The following NFIB variants were observed in gnomAD, a reference collection of about 807,000 sequenced individuals.
NFIB encodes nuclear factor 1 B-type.
A neutral mutation model predicts 61.5 loss-of-function variants in NFIB; 11 were observed. That is an observed-to-expected ratio of 0.18 (90% CI 0.11 to 0.30). The LOEUF (loss-of-function observed/expected upper bound fraction) is 0.30. Among genes scored for constraint, NFIB ranks in the 10% least tolerant of loss-of-function variants. NFIB has a pLI of 1.00. For synonymous variants in NFIB, 260 were observed against 216.5 expected (o/e 1.20, Z -1.76); for missense variants, 471 against 608.9 (o/e 0.77, Z 2.38).
intron 2 of NFIB, among the ~76,000 whole-genome samples, chr9:14,286,603 C>A (rs995673179): frequency 3.8e-4 from 58 of 152,160 alleles, no homozygotes; most frequent in Non-Finnish European, 6.8e-4. Flanking sequence ...CTTTTTATAA[C>A]TTATTAAGCA....
At chr9:14,296,694 G>A (rs944238308) in intron 2 of NFIB, among the ~76,000 whole-genome samples, 3 of 152,214 alleles carry the variant, frequency 2.0e-5, no homozygotes, top group African/African-American at 7.2e-5. Context: ...CTGGCACTCT[G>A]CTCCTGGGCT....
chr9:14,099,943 A>C (rs2035474966), intron 10 of NFIB, among the ~76,000 whole-genome samples: 2 of 152,008 alleles, frequency 1.3e-5, no homozygotes, highest in Admixed American at 1.3e-4. Flanking sequence ...GTGGCAGTGC[A>C]CGCCTGTAAT....
At chr9:14,423,571 G>A in the NFIB span, among the ~76,000 whole-genome samples, 1 of 152,156 alleles carries the variant, frequency 6.6e-6, no homozygotes, top group South Asian at 2.1e-4. Context: ...CATTATCCTG[G>A]CCATCTATAG....
chr9:14,245,254 A>G (rs972383827), intron 2 of NFIB, among the ~76,000 whole-genome samples: 1 of 152,112 alleles, frequency 6.6e-6, no homozygotes, highest in Admixed American at 6.6e-5. Context: ...TAGAAACATC[A>G]CAGTCACACC....
the NFIB span, among the ~76,000 whole-genome samples, chr9:14,418,712 C>T: frequency 2.6e-5 from 4 of 152,170 alleles, no homozygotes; most frequent in East Asian, 7.7e-4. Context: ...ACATGATGGA[C>T]TAATTTCATT....
intron 2 of NFIB, among the ~76,000 whole-genome samples, chr9:14,253,974 T>C (rs1410578738): frequency 1.3e-5 from 2 of 152,182 alleles, no homozygotes; most frequent in Non-Finnish European, 2.9e-5. Context: ...TCCCCAGCAC[T>C]TGACAAAACC....
intron 1 of NFIB, among the ~76,000 whole-genome samples, chr9:14,364,663 G>T (rs1477540839): frequency 1.3e-5 from 2 of 152,128 alleles, no homozygotes; most frequent in African/African-American, 2.4e-5. Flanking sequence ...AGTCTTCAAA[G>T]GTGTGTGAAA....
At chr9:14,245,099 T>C (rs1341247440) in intron 2 of NFIB, among the ~76,000 whole-genome samples, 1 of 152,182 alleles carries the variant, frequency 6.6e-6, no homozygotes, top group Non-Finnish European at 1.5e-5. Context: ...AATTCAGACC[T>C]GTATTTTCAT....
chr9:14,441,699 G>T, the NFIB span, among the ~76,000 whole-genome samples: 3 of 151,968 alleles, frequency 2.0e-5, no homozygotes, highest in Non-Finnish European at 2.9e-5. Context: ...TCAGGAGAGG[G>T]CCTCCTCCAG....
intron 2 of NFIB, among the ~76,000 whole-genome samples, chr9:14,222,135 G>C (rs2051747274): frequency 1.3e-5 from 2 of 152,076 alleles, no homozygotes; most frequent in Non-Finnish European, 2.9e-5. Context: ...TTCCTCCCTT[G>C]TCAACTGTTT....
chr9:14,121,592 T>G (rs937842068), intron 7 of NFIB, among the ~76,000 whole-genome samples: 7 of 152,230 alleles, frequency 4.6e-5, no homozygotes, highest in African/African-American at 1.4e-4. Context: ...AAATGTTTCT[T>G]TCAAAACCAA....
chr9:14,333,975 C>T (rs1261558163), intron 1 of NFIB, among the ~76,000 whole-genome samples: 3 of 152,204 alleles, frequency 2.0e-5, no homozygotes, highest in Admixed American at 1.3e-4. Context: ...ACAATATTTA[C>T]TGTTATGTCT....
chr9:14,349,589 G>A (rs890767277), intron 1 of NFIB, among the ~76,000 whole-genome samples: 1 of 152,108 alleles, frequency 6.6e-6, no homozygotes, highest in Non-Finnish European at 1.5e-5. Context: ...TGTGGCTGGG[G>A]AACAGCGGCA....
the NFIB span, among the ~76,000 whole-genome samples, chr9:14,515,121 G>GA: frequency 1.3e-5 from 2 of 152,068 alleles, no homozygotes; most frequent in African/African-American, 2.4e-5. Context: ...GCGGTTGTTA[G>GA]AAAAAACTTG....
the NFIB span, among the ~76,000 whole-genome samples, chr9:14,443,773 A>T: frequency 3.3e-5 from 5 of 152,246 alleles, no homozygotes; most frequent in Non-Finnish European, 7.3e-5. Context: ...TAAATCTCAC[A>T]ATAGACTGTA....
At chr9:14,484,017 A>G in the NFIB span, among the ~76,000 whole-genome samples, 6 of 152,224 alleles carry the variant, frequency 3.9e-5, no homozygotes, top group African/African-American at 1.4e-4. Flanking sequence ...TGAAGTGTGA[A>G]AAGAAAACAG....
intron 4 of NFIB, among the ~76,000 whole-genome samples, chr9:14,152,129 T>C (rs1337643058): frequency 6.6e-6 from 1 of 152,046 alleles, no homozygotes; most frequent in Non-Finnish European, 1.5e-5. Flanking sequence ...TCTCCCTTTC[T>C]GGACTAAAAA....
the NFIB span, among the ~76,000 whole-genome samples, chr9:14,484,194 C>T: frequency 6.6e-6 from 1 of 152,206 alleles, no homozygotes; most frequent in Admixed American, 6.5e-5. Context: ...TTGCTGAGCA[C>T]TGTTCTGGGG....
chr9:14,149,684 T>C (rs1190583242), intron 5 of NFIB, among the ~76,000 whole-genome samples: 1 of 152,198 alleles, frequency 6.6e-6, no homozygotes, highest in African/African-American at 2.4e-5. Context: ...ATTGAAGAAC[T>C]TGGCAAACTG....
Sources: allele counts gnomAD v4.1 joint callset (sites outside exome capture counted in the v4.1 genomes callset), GRCh38; gene constraint gnomAD v4.1.1; transcripts MANE v1.5; gene names NCBI Gene and HGNC (gene_info 2026-07-23, HGNC 2026-07-21).